ERBIN: variants seen among roughly 807,000 people sequenced by gnomAD.
The protein encoded by ERBIN is erbb2 interacting protein, also known as densin-180-like protein.
ERBIN carries 60 observed loss-of-function variants against 158.4 expected under a neutral mutation model. The observed-to-expected ratio is 0.38, with a 90% CI of 0.31 to 0.47. The LOEUF is 0.47. Ranked by LOEUF, ERBIN falls within the 20% of genes least tolerant of loss-of-function variation. The probability of loss-of-function intolerance (pLI) is 0.99; values close to 1 mark genes in which losing one functional copy is unlikely to be tolerated. For missense variants in ERBIN, 1,610 were observed against 1,648.0 expected (o/e 0.98, Z 0.40); for synonymous variants, 594 against 557.2 (o/e 1.07, Z -0.93).
At chr5:66,014,912 G>A (rs1418897210) in intron 7 of ERBIN, among the ~76,000 whole-genome samples, 187 bp downstream of exon 7, 3 of 152,078 alleles carry the variant, frequency 2.0e-5, no homozygotes, top group East Asian at 3.9e-4. Flanking sequence ...GGTGCTTAAC[G>A]TGGTACTGTG....
At chr5:66,007,535 TTAAAG>T (rs1489843369) in intron 4 of ERBIN, among the ~76,000 whole-genome samples, 1 of 134,778 alleles carries the variant, frequency 7.4e-6, no homozygotes, top group Non-Finnish European at 1.6e-5. Context: ...ACCCTAAAAC[TTAAAG>T]TATAATAAAA....
Position 66,044,286 on chromosome 5 carries a change from T to C in ERBIN, c.1578T>C (p.Asp526=), listed in dbSNP as rs199542582. 1 of 1,598,918 alleles carries C rather than the reference T, an allele frequency of 6.3e-7. No individual in the cohort carries two copies. Among genetic ancestry groups the C allele is most frequent in the Admixed American group, 1.8e-5 (1 of 55,670 alleles). The change falls in exon 17 of 26, where the codon GAT becomes GAC. Residue 526 remains aspartate (D), a synonymous_variant. Coordinates refer to ENST00000284037, the MANE Select transcript of ERBIN (RefSeq NM_001253697.2). ...TGAAACCACATGAAGATCAACAAGA[T>C]ATAAATAAAGATGTGGGTGTGAAGG... The part of the protein sequence containing the change: ...RDLKPHEDQQ[D]INKDVGVKTS...
At chr5:65,998,264 A>G (rs1278531945) in intron 4 of ERBIN, among the ~76,000 whole-genome samples, 1 of 149,346 alleles carries the variant, frequency 6.7e-6, no homozygotes, top group South Asian at 2.1e-4. Context: ...ATATATTTAT[A>G]TATCTCCACT....
intron 1 of ERBIN, among the ~76,000 whole-genome samples, chr5:65,955,602 C>G (rs573005860): frequency 3.4e-4 from 52 of 152,320 alleles, no homozygotes; most frequent in African/African-American, 1.2e-3. Flanking sequence ...TGCACTCCAG[C>G]ATGGGTGACA....
chr5:66,001,931 A>G (rs1326764033), intron 4 of ERBIN, among the ~76,000 whole-genome samples: 1 of 152,102 alleles, frequency 6.6e-6, no homozygotes, highest in South Asian at 2.1e-4. Flanking sequence ...CTTCACATGC[A>G]TTAGGTGTTT....
At chr5:66,077,836 A>G (rs757371797) in intron 25 of ERBIN, among the ~76,000 whole-genome samples, 5 of 151,546 alleles carry the variant, frequency 3.3e-5, no homozygotes, top group Non-Finnish European at 7.4e-5. Flanking sequence ...ACAGTTATAC[A>G]CATTTATTTT....
chr5:65,937,683 C>T (rs547315949), intron 1 of ERBIN, among the ~76,000 whole-genome samples: 18 of 152,140 alleles, frequency 1.2e-4, no homozygotes, highest in Non-Finnish European at 1.8e-4. Flanking sequence ...CCGAGGCGGG[C>T]GGATCACGAG....
At chr5:65,943,821 A>G (rs1307797784) in intron 1 of ERBIN, among the ~76,000 whole-genome samples, 2 of 152,132 alleles carry the variant, frequency 1.3e-5, no homozygotes, top group African/African-American at 4.8e-5. Flanking sequence ...CATTTTGCAA[A>G]ACTTTAACTC....
In ERBIN at chr5:65,992,881, G is replaced by T; in HGVS notation, c.163G>T (p.Ala55Ser). ...AACCTTGGAGGAACTCTATTTAGAT[G>T]CTAATCAGATTGAAGAGCTTCCAAA... The part of the protein sequence containing the change: ...EKTLEELYLD[A>S]NQIEELPKQL... The change falls in exon 3 of 26, where the codon GCT (alanine) becomes TCT (serine). Residue 55 changes from alanine to serine, a missense_variant. Physicochemically the swap from Ala to Ser is moderately conservative, Grantham distance 99 (BLOSUM62 1). Coordinates refer to ENST00000284037, the MANE Select transcript of ERBIN (RefSeq NM_001253697.2). 1 of 1,606,580 alleles carries T rather than the reference G, an allele frequency of 6.2e-7. No individual in the cohort carries two copies. Among genetic ancestry groups the T allele is most frequent in the Non-Finnish European group, 8.5e-7 (1 of 1,177,712 alleles).
Position 66,054,418 on chromosome 5 carries a change from AACAATG to A in ERBIN, c.3101_3106del (p.Asn1034_Val1036delinsIle). 1 of 1,614,192 alleles carries A rather than the reference AACAATG, an allele frequency of 6.2e-7. No homozygotes were observed. The highest frequency in any genetic ancestry group is 8.5e-7 in the Non-Finnish European group (1 of 1,180,014). ...TGCCAATATGAATTTCTCTAATCATAACAATGTTCGAGCTAATACTGCATACCATTT... is the reference window on the plus strand; with the variant it reads ...TGCCAATATGAATTTCTCTAATCATATTCGAGCTAATACTGCATACCATTT... On this transcript the variant is annotated inframe_deletion, in exon 21 of 26. Transcript: ENST00000284037.
intron 7 of ERBIN, among the ~76,000 whole-genome samples, chr5:66,019,633 G>A (rs1376384658): frequency 1.3e-5 from 2 of 152,106 alleles, no homozygotes; most frequent in African/African-American, 4.8e-5. Flanking sequence ...GACTCTTTTT[G>A]ACATGACAGT....
chr5:65,977,177 G>A (rs1227209025), intron 1 of ERBIN, among the ~76,000 whole-genome samples: 4 of 147,728 alleles, frequency 2.7e-5, no homozygotes, highest in African/African-American at 7.6e-5. Context: ...CGGACGGGGC[G>A]GCTGGCCGGG....
At position 66,053,834 on chromosome 5, in the gene ERBIN, A is replaced by G; in HGVS notation, c.2516A>G (p.His839Arg). The G allele has an allele frequency of 6.2e-7, 1 of 1,614,108 alleles. No homozygotes were observed. Among genetic ancestry groups the G allele is most frequent in the Non-Finnish European group, 8.5e-7 (1 of 1,180,024 alleles). ...TSQSPNRTEP[H>R]DSDCSVDLGI... ...CAGTCTCCTAATAGGACTGAACCAC[A>G]TGACAGTGATTGTTCTGTTGACTTA... The change falls in exon 21 of 26, where the codon CAT becomes CGT. Residue 839 changes from histidine to arginine, a missense_variant. By Grantham distance (29) the His-to-Arg change is conservative. Around this residue, in one of 2 missense-constraint regions of ERBIN, gnomAD observed 1,014 missense variants for 936.1 expected, o/e 1.08. Transcript: ENST00000284037.
intron 21 of ERBIN, among the ~76,000 whole-genome samples, chr5:66,067,786 GGCAAGGT>G (rs1761145676): frequency 6.6e-6 from 1 of 151,912 alleles, no homozygotes; most frequent in Non-Finnish European, 1.5e-5. Context: ...ACCAAGCCTG[GGCAAGGT>G]GGTGAGACCC....
At chr5:66,013,765 G>T in intron 6 of ERBIN, 127 bp downstream of exon 6, 2 of 586,796 alleles carry the variant, frequency 3.4e-6, no homozygotes, top group South Asian at 4.9e-5. Flanking sequence ...CCCAAGCATT[G>T]TGACTTTTAT....
At chr5:66,021,291 A>G (rs758402629) in intron 7 of ERBIN, 31 bp from the exon 8 acceptor site, 6 of 1,400,048 alleles carry the variant, frequency 4.3e-6, no homozygotes, top group South Asian at 1.3e-5. Context: ...ATATTTTTCT[A>G]GTTAATTTTT....
intron 14 of ERBIN, among the ~76,000 whole-genome samples, chr5:66,032,089 C>T (rs186354957): frequency 1.3e-5 from 2 of 152,134 alleles, no homozygotes; most frequent in Non-Finnish European, 2.9e-5. Flanking sequence ...AGGTGCAAAG[C>T]AGCATAGTAT....
At position 66,050,791 on chromosome 5, in the gene ERBIN, A is replaced by G. The variant is rs181374957; in HGVS notation, c.1912A>G (p.Lys638Glu). The change falls in exon 20 of 26, where the codon AAG becomes GAG. Residue 638 changes from lysine to glutamate, a missense_variant. Physicochemically the swap from Lys to Glu is moderately conservative, Grantham distance 56. Coordinates refer to ENST00000284037, the MANE Select transcript of ERBIN (RefSeq NM_001253697.2). ...AATTTGTTTTGTTTCAGATGATACA[A>G]AGGAAACAGATTCTTTATCAGATGA... ...ALSNNKKDDT[K>E]ETDSLSDEVT... 5.2e-6 allele frequency: 8 copies of G among 1,546,440 alleles called. No homozygotes were observed. The highest frequency in any genetic ancestry group is 2.8e-5 in the African/African-American group (2 of 71,076).
chr5:66,065,977 A>G (rs1760949537), intron 21 of ERBIN, among the ~76,000 whole-genome samples: 1 of 152,124 alleles, frequency 6.6e-6, no homozygotes, highest in Non-Finnish European at 1.5e-5. Flanking sequence ...AATAATCCTT[A>G]ATATTGAAGC....
Sources: allele counts gnomAD v4.1 joint callset (sites outside exome capture counted in the v4.1 genomes callset), GRCh38; gene constraint gnomAD v4.1.1; regional missense constraint gnomAD v4.1.1; transcripts MANE v1.5; gene names NCBI Gene and HGNC (gene_info 2026-07-23, HGNC 2026-07-21).